The following ADGRB3 variants were observed in gnomAD, a reference collection of about 807,000 sequenced individuals.
The protein encoded by ADGRB3 is brain-specific angiogenesis inhibitor 3.
Under a neutral mutation model 193.4 loss-of-function variants are expected in ADGRB3, and 37 were observed. That is an observed-to-expected ratio of 0.19 (90% CI 0.15 to 0.25). The LOEUF is 0.25. ADGRB3 is among the 10% of genes least tolerant of loss of function. ADGRB3 has a pLI of 1.00. For missense variants in ADGRB3, 1,637 were observed against 1,852.9 expected, an observed-to-expected ratio of 0.88 and a Z score of 2.14; for synonymous variants, 690 against 644.2, an observed-to-expected ratio of 1.07 and a Z score of -1.08.
intron 3 of ADGRB3, among the ~76,000 whole-genome samples, chr6:68,748,841 T>C (rs1766136242): frequency 6.6e-6 from 1 of 152,186 alleles, no homozygotes; most frequent in Admixed American, 6.5e-5. Context: ...TCCCTGGGCA[T>C]CCAGGCGTTT....
intron 3 of ADGRB3, among the ~76,000 whole-genome samples, chr6:68,718,022 A>G (rs190201751): frequency 4.5e-4 from 69 of 151,944 alleles, no homozygotes; most frequent in Admixed American, 1.4e-3. Flanking sequence ...AACAGTAAAT[A>G]CAAAACTTCT....
At chr6:69,182,027 A>G (rs1402085663) in intron 17 of ADGRB3, among the ~76,000 whole-genome samples, 3 of 152,166 alleles carry the variant, frequency 2.0e-5, no homozygotes, top group African/African-American at 7.2e-5. Flanking sequence ...AAATTGGCTC[A>G]CCAGATTTCC....
chr6:69,117,576 G>A (rs1306856562), intron 17 of ADGRB3, among the ~76,000 whole-genome samples: 2 of 151,616 alleles, frequency 1.3e-5, no homozygotes, highest in Non-Finnish European at 2.9e-5. Context: ...GTAATACTTA[G>A]GAGTAAACAG....
intron 3 of ADGRB3, among the ~76,000 whole-genome samples, chr6:68,862,131 A>ACCCCCCC (rs34902902): frequency 7.1e-6 from 1 of 141,350 alleles, no homozygotes; most frequent in African/African-American, 2.6e-5. Context: ...AGGAGGAGGG[A>ACCCCCCC]CCCCCCCCCC....
chr6:68,819,810 T>C (rs139034191), intron 3 of ADGRB3, among the ~76,000 whole-genome samples: 272 of 152,190 alleles, frequency 1.8e-3, no homozygotes, highest in African/African-American at 6.2e-3. Context: ...ACTTTGTAAA[T>C]CTTCTCTTTT....
chr6:68,906,885 C>G (rs903849261), intron 3 of ADGRB3, among the ~76,000 whole-genome samples: 19 of 152,082 alleles, frequency 1.2e-4, no homozygotes, highest in African/African-American at 4.3e-4. Flanking sequence ...AAGCTTTCGA[C>G]AGTAAAATCT....
At chr6:69,350,828 CA>C (rs1255310170) in intron 26 of ADGRB3, among the ~76,000 whole-genome samples, 1 of 151,512 alleles carries the variant, frequency 6.6e-6, no homozygotes, top group Non-Finnish European at 1.5e-5. Flanking sequence ...TTGCTTTTTA[CA>C]AAAACTCAAT....
chr6:69,171,968 G>A (rs1775282187), intron 17 of ADGRB3, among the ~76,000 whole-genome samples: 1 of 152,140 alleles, frequency 6.6e-6, no homozygotes, highest in Non-Finnish European at 1.5e-5. Flanking sequence ...CCAGTGACAT[G>A]CAAAGGAATT....
chr6:68,742,096 G>A (rs962641142), intron 3 of ADGRB3, among the ~76,000 whole-genome samples: 1 of 152,168 alleles, frequency 6.6e-6, no homozygotes, highest in African/African-American at 2.4e-5. Context: ...AGTTAAAATT[G>A]TGATGTCATT....
intron 3 of ADGRB3, among the ~76,000 whole-genome samples, chr6:68,787,636 C>G (rs1377185993): frequency 6.6e-6 from 1 of 152,092 alleles, no homozygotes; most frequent in African/African-American, 2.4e-5. Flanking sequence ...GTGTCTCTGC[C>G]AGTCTTTGGT....
intron 3 of ADGRB3, among the ~76,000 whole-genome samples, chr6:68,648,633 G>T (rs916330080): frequency 6.6e-6 from 1 of 150,604 alleles, no homozygotes; most frequent in Non-Finnish European, 1.5e-5. Flanking sequence ...TATGTAGGTA[G>T]AATTACTTCT....
intron 16 of ADGRB3, among the ~76,000 whole-genome samples, chr6:69,069,894 AAG>A (rs944795952): frequency 1.3e-5 from 2 of 152,030 alleles, no homozygotes; most frequent in Admixed American, 6.6e-5. Flanking sequence ...TTAGTAGGGA[AAG>A]AGAGAGAGGA....
intron 5 of ADGRB3, among the ~76,000 whole-genome samples, chr6:68,938,440 GTATATATATATATATA>G (rs59120080): frequency 1.4e-4 from 20 of 144,722 alleles, no homozygotes; most frequent in African/African-American, 2.6e-4. Context: ...ATATTTTGAG[GTATATATATATATATA>G]TATATATATA....
chr6:68,936,515 G>T lies in ADGRB3; in HGVS notation c.869-4G>T, dbSNP rs746444940. ...TTCATGTTTATTTGTTGTCTTGCAC[G>T]CAGGTGAATCTGGTGTGGAAGAGTG... On this transcript the variant is annotated splice_polypyrimidine_tract_variant and splice_region_variant and intron_variant, in intron 4 of 31. Transcript: ENST00000370598. 2.5e-6 allele frequency: 4 copies of T among 1,613,036 alleles called. No homozygotes were observed. Among genetic ancestry groups the T allele is most frequent in the Non-Finnish European group, 3.4e-6 (4 of 1,179,436 alleles).
At position 69,010,805 on chromosome 6, in the gene ADGRB3, A is replaced by T. The variant is rs1008726485; in HGVS notation, c.1930-3233A>T. Reference sequence around the variant, plus strand: ...AAAAAAAAAAATCAAAAAACAAAAAAAAGCAAAAAAATGAGACAAAAACTT... The same window carrying T: ...AAAAAAAAAAATCAAAAAACAAAAATAAGCAAAAAAATGAGACAAAAACTT... On this transcript the variant is annotated intron_variant, in intron 11 of 31. Coordinates refer to ENST00000370598, the MANE Select transcript of ADGRB3 (RefSeq NM_001704.3). Among the ~76,000 whole-genome samples, 399 of 152,046 alleles carry T rather than the reference A, an allele frequency of 2.6e-3. 1 individual carries two copies. Among genetic ancestry groups the T allele is most frequent in the African/African-American group, 9.5e-3 (393 of 41,498 alleles).
chr6:69,023,969 G>T (rs1347027421), intron 13 of ADGRB3, among the ~76,000 whole-genome samples: 1 of 152,056 alleles, frequency 6.6e-6, no homozygotes. Context: ...TTAATATTTA[G>T]ACAAGTATAG....
At chr6:68,666,572 TG>T (rs1268385212) in intron 3 of ADGRB3, among the ~76,000 whole-genome samples, 1 of 151,894 alleles carries the variant, frequency 6.6e-6, no homozygotes, top group African/African-American at 2.4e-5. Context: ...TTGTGGTTTT[TG>T]TAAATGCTCA....
chr6:68,819,024 G>A (rs1767691115), intron 3 of ADGRB3, among the ~76,000 whole-genome samples: 1 of 152,066 alleles, frequency 6.6e-6, no homozygotes, highest in African/African-American at 2.4e-5. Context: ...ATCTGTTGCA[G>A]CAACAATGGT....
At position 68,991,528 on chromosome 6, in the gene ADGRB3, G is replaced by T. The variant is rs185939430; in HGVS notation, c.1735-2240G>T. On this transcript the variant is annotated intron_variant, in intron 10 of 31. Transcript: ENST00000370598. ...GGCGACAAAAAGCATGTGAATGCTTGTGGAAAGACTATTCAAGGCCCCCGC... is the reference window on the plus strand; with the variant it reads ...GGCGACAAAAAGCATGTGAATGCTTTTGGAAAGACTATTCAAGGCCCCCGC... Among the ~76,000 whole-genome samples, 263 of 151,630 alleles carry T rather than the reference G, an allele frequency of 1.7e-3. 1 individual carries two copies. Among genetic ancestry groups the T allele is most frequent in the Non-Finnish European group, 2.8e-3 (187 of 67,936 alleles).
Sources: gnomAD v4.1 joint callset for allele counts (sites outside exome capture counted in the v4.1 genomes callset) on GRCh38, gnomAD v4.1.1 for gene constraint, MANE v1.5 for transcripts, NCBI Gene and HGNC (gene_info 2026-07-23, HGNC 2026-07-21) for gene names.